PREX2: variants seen among roughly 807,000 people sequenced by gnomAD.
PREX2 encodes the protein phosphatidylinositol-3,4,5-trisphosphate dependent Rac exchange factor 2.
In PREX2, 107 loss-of-function variants were observed where a neutral mutation model predicts 203.2. The observed-to-expected ratio is 0.53, with a 90% CI of 0.45 to 0.62. The LOEUF (loss-of-function observed/expected upper bound fraction) is 0.62, where lower values mean the gene tolerates loss of function less well. Ranked by LOEUF, PREX2 falls within the 20% of genes least tolerant of loss-of-function variation. The pLI is 0.00. For synonymous variants in PREX2, 672 were observed against 663.6 expected (o/e 1.01, Z -0.19); for missense variants, 1,777 against 1,955.9 (o/e 0.91, Z 1.72).
At chr8:68,122,808 A>G (rs538160715) in intron 30 of PREX2, among the ~76,000 whole-genome samples, 18 of 152,150 alleles carry the variant, frequency 1.2e-4, no homozygotes, top group Non-Finnish European at 1.8e-4. Context: ...ATGTAATTGT[A>G]TGGTTTTGAG....
chr8:68,042,946 C>T (rs1038235237), intron 7 of PREX2, among the ~76,000 whole-genome samples: 21 of 151,958 alleles, frequency 1.4e-4, no homozygotes, highest in Admixed American at 1.2e-3. Context: ...ATATATAATC[C>T]ATGATTATTT....
At chr8:68,161,860 G>A (rs28548627) in intron 35 of PREX2, among the ~76,000 whole-genome samples, 1,637 of 152,240 alleles carry the variant, frequency 0.011, 13 homozygotes, top group Non-Finnish European at 0.018. Flanking sequence ...GACATACCCA[G>A]GACTGGGTAA....
At chr8:68,047,552 T>G (rs1049853293) in intron 8 of PREX2, among the ~76,000 whole-genome samples, 1 of 147,476 alleles carries the variant, frequency 6.8e-6, no homozygotes, top group Non-Finnish European at 1.5e-5. Flanking sequence ...TGCTTAGAAC[T>G]TTTTCCTTTT....
At position 68,224,597 on chromosome 8, in the gene PREX2, C is replaced by G. The variant is rs527455045; in HGVS notation, c.4746C>G (p.Val1582=). The G allele has an allele frequency of 1.1e-5, 17 of 1,613,760 alleles. 1 individual carries two copies. The South Asian group carries it at 1.8e-4, about 17-fold the overall frequency. Residue 1582 remains valine, a synonymous_variant, in exon 39 of 40, where the codon GTC becomes GTG. Transcript: ENST00000288368. ...AGAACACAGCGAAGAATTTGGGAGT[C>G]AGAGACCGGACTCCACAGTCTGCAC... ...RVQNTAKNLG[V]RDRTPQSAPR...
Position 68,231,437 on chromosome 8 carries a change from A to G in PREX2, c.*59A>G, listed in dbSNP as rs1407090907. The G allele has an allele frequency of 8.7e-6, 12 of 1,371,776 alleles. No individual in the cohort carries two copies. The East Asian group carries it at 2.2e-4, about 26-fold the overall frequency. The allele number at this position is 1,371,776 out of a possible 1,614,324, so 85.0% of individuals were successfully genotyped here. On this transcript the variant is annotated 3_prime_UTR_variant, in exon 40 of 40. Transcript: ENST00000288368. Reference sequence around the variant, plus strand: ...TCCTGAATGCTGGACTAGACAAACTACATGCTGGCTAAACATTCTCCACTG... The same window carrying G: ...TCCTGAATGCTGGACTAGACAAACTGCATGCTGGCTAAACATTCTCCACTG...
At chr8:68,065,016 T>C (rs1292505018) in intron 11 of PREX2, among the ~76,000 whole-genome samples, 1 of 152,208 alleles carries the variant, frequency 6.6e-6, no homozygotes, top group African/African-American at 2.4e-5. Context: ...TTAAGCAGCT[T>C]TCTTCACTAG....
At chr8:68,125,962 ATTTCACTACTGTGTCACAGAGTC>A (rs1446834784) in intron 30 of PREX2, among the ~76,000 whole-genome samples, 1 of 152,010 alleles carries the variant, frequency 6.6e-6, no homozygotes, top group Non-Finnish European at 1.5e-5. Flanking sequence ...CGTGTTCATA[ATTTCACTACTGTGTCACAGAGTC>A]TTGCGGTGAT....
intron 35 of PREX2, among the ~76,000 whole-genome samples, chr8:68,164,585 C>CTTTTTTTTT (rs755033458): frequency 8.1e-5 from 11 of 135,258 alleles, no homozygotes; most frequent in South Asian, 2.3e-4. Context: ...TTTCTTTTTT[C>CTTTTTTTTT]TTTTTTTTTT....
chr8:68,136,822 A>T (rs1455588574), intron 32 of PREX2, among the ~76,000 whole-genome samples: 1 of 151,702 alleles, frequency 6.6e-6, no homozygotes, highest in Admixed American at 6.6e-5. Context: ...ACCTCCACTG[A>T]TTCTTTTTCA....
At chr8:68,054,509 G>A (rs992021024) in intron 9 of PREX2, among the ~76,000 whole-genome samples, 3 of 152,200 alleles carry the variant, frequency 2.0e-5, no homozygotes, top group Non-Finnish European at 4.4e-5. Flanking sequence ...AATGGCTCCA[G>A]CATTGTCAAA....
intron 23 of PREX2, chr8:68,105,051 T>C (rs1810366829): frequency 3.0e-6 from 3 of 989,270 alleles, no homozygotes; most frequent in Middle Eastern, 2.9e-4. Context: ...GATAGGCAGA[T>C]TGATGTTTAC....
At chr8:68,200,090 C>T (rs1812472368) in intron 37 of PREX2, among the ~76,000 whole-genome samples, 1 of 152,014 alleles carries the variant, frequency 6.6e-6, no homozygotes, top group Admixed American at 6.6e-5. Flanking sequence ...TTGAAAGACC[C>T]AGTAACAAGA....
intron 38 of PREX2, 25 bp from the exon 39 acceptor site, chr8:68,224,534 T>C (rs1286640490): frequency 6.3e-7 from 1 of 1,597,414 alleles, no homozygotes; most frequent in South Asian, 1.1e-5. Context: ...ACTGTAGGGA[T>C]AAAAGTGATT....
At chr8:68,200,095 A>AC (rs1470871911) in intron 37 of PREX2, among the ~76,000 whole-genome samples, 2 of 152,216 alleles carry the variant, frequency 1.3e-5, no homozygotes, top group African/African-American at 4.8e-5. Context: ...AGACCCAGTA[A>AC]CAAGATTAGA....
chr8:68,024,699 TTTTG>T lies in PREX2; in HGVS notation c.442-2515_442-2512del, dbSNP rs1554567219. 2.6e-5 allele frequency among the ~76,000 whole-genome samples: 4 copies of T among 152,116 alleles called. No homozygotes were observed. In the South Asian group the frequency reaches 6.2e-4, roughly 24 times the overall value. ...TTTATTACTTTTTCCTACATGTCTT[TTTTG>T]TTTGTTTCTCTGTTCCTGTTTTACC... On this transcript the variant is annotated intron_variant, in intron 4 of 39. Transcript: ENST00000288368.
intron 31 of PREX2, among the ~76,000 whole-genome samples, chr8:68,133,315 A>G (rs1166023868): frequency 6.6e-6 from 1 of 152,176 alleles, no homozygotes; most frequent in African/African-American, 2.4e-5. Context: ...ACAATTCAAG[A>G]TGAGATTTGG....
chr8:68,004,516 TAGACTCTTGAAAAATCAA>T (rs1297830191), intron 1 of PREX2, among the ~76,000 whole-genome samples: 1 of 152,240 alleles, frequency 6.6e-6, no homozygotes, highest in Non-Finnish European at 1.5e-5. Flanking sequence ...CTTATTGAAT[TAGACTCTTGAAAAATCAA>T]AACTGTTTGT....
At chr8:67,971,504 A>G (rs1356580752) in intron 1 of PREX2, among the ~76,000 whole-genome samples, 1 of 152,162 alleles carries the variant, frequency 6.6e-6, no homozygotes, top group Non-Finnish European at 1.5e-5. Context: ...ACATTAATAT[A>G]TATATTAATC....
intron 39 of PREX2, among the ~76,000 whole-genome samples, chr8:68,229,089 C>G (rs1394816852): frequency 1.3e-5 from 2 of 151,830 alleles, no homozygotes; most frequent in Admixed American, 1.3e-4. Context: ...GATGCTTTAA[C>G]CTTGAAAGAG....
Sources: gnomAD v4.1 joint callset for allele counts (sites outside exome capture counted in the v4.1 genomes callset) on GRCh38, gnomAD v4.1.1 for gene constraint, MANE v1.5 for transcripts, NCBI Gene and HGNC (gene_info 2026-07-23, HGNC 2026-07-21) for gene names.